Variants in LRRC40 observed in about 807,000 individuals in gnomAD.
LRRC40 encodes the protein leucine-rich repeat-containing protein 40.
Under a neutral mutation model 72.8 loss-of-function variants are expected in LRRC40, and 76 were observed. The observed-to-expected ratio is 1.04, with a 90% CI of 0.87 to 1.26. The LOEUF is 1.26. Ranked by LOEUF, LRRC40 falls within the 50% of genes most tolerant of loss-of-function variation. The pLI, the probability that LRRC40 is intolerant of heterozygous loss-of-function variation, is 0.00. For synonymous variants in LRRC40, 243 were observed against 254.2 expected, an observed-to-expected ratio of 0.96 and a Z score of 0.42; for missense variants, 684 against 698.9, an observed-to-expected ratio of 0.98 and a Z score of 0.24.
rs1374713277 is a variant in LRRC40, at chr1:70,181,180, A to C, written c.567T>G (p.Val189=). The change falls in exon 5 of 15, where the codon GTT becomes GTG. Residue 189 remains valine (V), a synonymous_variant. Transcript: ENST00000370952. ...LDLSNNHLTT[V]PASFSSLSSL... ...TGGACAGAGAAGAAAAACTAGCAGG[A>C]ACAGTTGTAAGATGATTGTTTGAAA... 3 of 1,593,310 alleles carry C rather than the reference A, an allele frequency of 1.9e-6. No homozygotes were observed. The highest frequency in any genetic ancestry group is 2.6e-6 in the Non-Finnish European group (3 of 1,171,594).
intron 1 of LRRC40, among the ~76,000 whole-genome samples, chr1:70,199,215 T>A (rs975549847): frequency 4.8e-4 from 68 of 140,516 alleles, no homozygotes; most frequent in East Asian, 2.3e-3. Context: ...ATACATAGTC[T>A]CACACACACA....
At chr1:70,183,243 T>C (rs2100313705) in intron 4 of LRRC40, among the ~76,000 whole-genome samples, 1 of 152,244 alleles carries the variant, frequency 6.6e-6, no homozygotes. Flanking sequence ...CAAGCTAAAA[T>C]GACAGGAGTT....
At chr1:70,177,130 G>C (rs1038178047) in intron 6 of LRRC40, among the ~76,000 whole-genome samples, 6 of 152,068 alleles carry the variant, frequency 3.9e-5, no homozygotes, top group African/African-American at 1.2e-4. Context: ...ACAGAAATTA[G>C]CTTGGCGTGG....
At chr1:70,152,323 C>T (rs1667519237) in intron 12 of LRRC40, 110 bp downstream of exon 12, 4 of 603,882 alleles carry the variant, frequency 6.6e-6, no homozygotes, top group East Asian at 5.8e-5. Context: ...TAAATAAAGG[C>T]CAGTTTCCAT....
At chr1:70,183,172 T>A (rs905741682) in intron 4 of LRRC40, among the ~76,000 whole-genome samples, 1 of 152,162 alleles carries the variant, frequency 6.6e-6, no homozygotes, top group African/African-American at 2.4e-5. Flanking sequence ...GAGGGAAGTA[T>A]CAAGGAGGAT....
At chr1:70,182,090 T>C (rs1452307281) in intron 4 of LRRC40, among the ~76,000 whole-genome samples, 1 of 151,902 alleles carries the variant, frequency 6.6e-6, no homozygotes, top group East Asian at 1.9e-4. Flanking sequence ...ACCAAGAAGA[T>C]AGAAAAAGGT....
At position 70,173,557 on chromosome 1, in the gene LRRC40, T is replaced by C. The variant is rs1468608013; in HGVS notation, c.1066-47A>G. 3.3e-6 allele frequency: 5 copies of C among 1,529,056 alleles called. No individual in the cohort carries two copies. The East Asian group carries it at 1.1e-4, about 35-fold the overall frequency. 94.7% of individuals were successfully genotyped at this position (1,529,056 alleles called of 1,614,324 possible). On this transcript the variant is annotated intron_variant, in intron 8 of 14. Transcript: ENST00000370952. Reference sequence around the variant, plus strand: ...CATTCACCAAGACATGCTTTGCAGTTTTACAGATCAACATATATGTCTGAA... The same window carrying C: ...CATTCACCAAGACATGCTTTGCAGTCTTACAGATCAACATATATGTCTGAA...
chr1:70,172,497 A>G (rs962581861), intron 9 of LRRC40, among the ~76,000 whole-genome samples: 1 of 152,144 alleles, frequency 6.6e-6, no homozygotes, highest in Non-Finnish European at 1.5e-5. Flanking sequence ...GAAGCTGTCT[A>G]GCAGAAATGT....
At chr1:70,165,380 T>C (rs1371457354) in intron 9 of LRRC40, among the ~76,000 whole-genome samples, 2 of 152,220 alleles carry the variant, frequency 1.3e-5, no homozygotes, top group Non-Finnish European at 2.9e-5. Context: ...AAGATTTTTC[T>C]TTGACACAGT....
At chr1:70,201,543 A>G (rs1461635890) in intron 1 of LRRC40, among the ~76,000 whole-genome samples, 2 of 152,234 alleles carry the variant, frequency 1.3e-5, no homozygotes, top group Non-Finnish European at 2.9e-5. Flanking sequence ...AACAACAAGG[A>G]AACGAGCCCA....
intron 1 of LRRC40, among the ~76,000 whole-genome samples, chr1:70,197,668 A>C (rs1257151436): frequency 6.6e-6 from 1 of 151,248 alleles, no homozygotes; most frequent in African/African-American, 2.4e-5. Context: ...ATGAGGACTC[A>C]CAAATGGGTT....
intron 13 of LRRC40, among the ~76,000 whole-genome samples, chr1:70,149,569 A>G (rs1667413972): frequency 6.6e-6 from 1 of 152,328 alleles, no homozygotes; most frequent in Non-Finnish European, 1.5e-5. Flanking sequence ...GCACTTCCCC[A>G]AAGACATTAC....
At chr1:70,149,890 T>A (rs55727788) in intron 13 of LRRC40, among the ~76,000 whole-genome samples, 13,704 of 152,202 alleles carry the variant, frequency 0.09, 792 homozygotes, top group East Asian at 0.3. Flanking sequence ...CTAGGTTGCA[T>A]TAAACATTAG....
chr1:70,173,437 C>T, intron 9 of LRRC40, 28 bp downstream of exon 9: 1 of 1,510,590 alleles, frequency 6.6e-7, no homozygotes, highest in Non-Finnish European at 9.2e-7. Flanking sequence ...ATGAATCCTT[C>T]AAAATATAAG....
intron 9 of LRRC40, among the ~76,000 whole-genome samples, chr1:70,172,379 C>A (rs1668018052): frequency 1.3e-5 from 2 of 152,308 alleles, no homozygotes; most frequent in South Asian, 4.1e-4. Flanking sequence ...TTCTCCCTAT[C>A]TTTATGGAAG....
intron 4 of LRRC40, among the ~76,000 whole-genome samples, chr1:70,182,355 C>T (rs752214982): frequency 1.3e-5 from 2 of 152,022 alleles, no homozygotes; most frequent in Non-Finnish European, 1.5e-5. Context: ...ATCTAAATAA[C>T]GTCTGCAGTT....
chr1:70,156,327 TTCTC>T (rs1019454108), intron 10 of LRRC40, among the ~76,000 whole-genome samples: 12 of 152,068 alleles, frequency 7.9e-5, no homozygotes, highest in African/African-American at 2.9e-4. Flanking sequence ...CTGGACCAAT[TTCTC>T]TCTCCTTTAG....
chr1:70,147,492 CTTACTACAG>C (rs2100218404), intron 14 of LRRC40, among the ~76,000 whole-genome samples: 1 of 152,230 alleles, frequency 6.6e-6, no homozygotes, highest in East Asian at 1.9e-4. Flanking sequence ...AATGAAGTAT[CTTACTACAG>C]AAACACACAT....
intron 9 of LRRC40, among the ~76,000 whole-genome samples, chr1:70,160,628 A>G (rs1667735578): frequency 1.3e-5 from 2 of 152,236 alleles, no homozygotes; most frequent in Admixed American, 1.3e-4. Flanking sequence ...TGTTTTTAAA[A>G]TATCTATGTA....
Sources: gnomAD v4.1 joint callset for allele counts (sites outside exome capture counted in the v4.1 genomes callset) on GRCh38, gnomAD v4.1.1 for gene constraint, MANE v1.5 for transcripts, NCBI Gene and HGNC (gene_info 2026-07-23, HGNC 2026-07-21) for gene names.